USP3: variants seen among roughly 807,000 people sequenced by gnomAD.
USP3 encodes ubiquitin carboxyl-terminal hydrolase 3.
USP3 carries 20 observed loss-of-function variants against 72.3 expected under a neutral mutation model. The observed-to-expected ratio is 0.28, with a 90% CI of 0.19 to 0.40. The LOEUF (loss-of-function observed/expected upper bound fraction) is 0.40. Ranked by LOEUF, USP3 falls within the 10% of genes least tolerant of loss-of-function variation. The pLI is 1.00. For missense variants in USP3, 479 were observed against 633.9 expected, an observed-to-expected ratio of 0.76 and a Z score of 2.62; for synonymous variants, 222 against 225.3, an observed-to-expected ratio of 0.99 and a Z score of 0.13.
Position 63,544,648 on chromosome 15 carries a change from T to G in USP3, c.284+7492T>G. 2.9e-6 allele frequency: 2 copies of G among 699,298 alleles called. No individual in the cohort carries two copies. Among genetic ancestry groups the G allele is most frequent in the Non-Finnish European group, 2.6e-6 (1 of 383,416 alleles). The allele number at this position is 699,298 out of a possible 1,614,324, so 43.3% of individuals were successfully genotyped here. On this transcript the variant is annotated intron_variant, in intron 3 of 14. Transcript: ENST00000380324. This position sits in a 1 kb window ranked among gnomAD's most constrained non-coding sequence, Gnocchi z 4.2. Reference sequence around the variant, plus strand: ...TCATTTTTGGAGAATGGGGGAAGAATGTAAAGATGGAGATGACCGAATGAG... The same window carrying G: ...TCATTTTTGGAGAATGGGGGAAGAAGGTAAAGATGGAGATGACCGAATGAG...
chr15:63,556,895 T>A, intron 5 of USP3, 147 bp downstream of exon 5: 1 of 624,084 alleles, frequency 1.6e-6, no homozygotes, highest in Non-Finnish European at 2.8e-6. Flanking sequence ...GTTTGCCACC[T>A]GTACTGTCGA....
intron 1 of USP3, among the ~76,000 whole-genome samples, chr15:63,505,215 G>A (rs889906688): frequency 6.6e-6 from 1 of 152,062 alleles, no homozygotes; most frequent in African/African-American, 2.4e-5. Context: ...GGCCCCCGAG[G>A]GGCGGCCGCA....
rs1319850003 is a variant in USP3, at chr15:63,529,409, A to G, written c.92-3238A>G. Among the ~76,000 whole-genome samples the G allele has an allele frequency of 6.6e-6, 1 of 152,114 alleles. No individual in the cohort carries two copies. The highest frequency in any genetic ancestry group is 2.4e-5 in the African/African-American group (1 of 41,408). On this transcript the variant is annotated intron_variant, in intron 1 of 14. Transcript: ENST00000380324. The surrounding 1 kb of genome is among the most constrained non-coding windows in gnomAD (Gnocchi z 4.2). ...CAATTGTTTTACAAGTACCATCTCT[A>G]TCTAGTTCCGAAACATTTTCATAAC... is the stretch of plus-strand genomic sequence containing the variant.
chr15:63,537,164 A>C lies in USP3; in HGVS notation c.284+8A>C. The C allele has an allele frequency of 1.2e-6, 2 of 1,608,694 alleles. No individual in the cohort carries two copies. Among genetic ancestry groups the C allele is most frequent in the Non-Finnish European group, 1.7e-6 (2 of 1,177,866 alleles). ...TAGCTACAGTACATACTGGTAAGTTAACATTTTCTGGAAATGAGATTTCTT... is the reference window on the plus strand; with the variant it reads ...TAGCTACAGTACATACTGGTAAGTTCACATTTTCTGGAAATGAGATTTCTT... On this transcript the variant is annotated splice_region_variant and intron_variant, in intron 3 of 14. Transcript: ENST00000380324.
At chr15:63,548,339 G>GA (rs2066384281) in intron 3 of USP3, among the ~76,000 whole-genome samples, 1 of 142,810 alleles carries the variant, frequency 7.0e-6, no homozygotes, top group African/African-American at 2.9e-5. Flanking sequence ...TGTTTTTTTT[G>GA]GGGGGGGACA....
At position 63,507,904 on chromosome 15, in the gene USP3, C is replaced by A. The variant is rs576898834; in HGVS notation, c.91+3074C>A. Among the ~76,000 whole-genome samples the A allele has an allele frequency of 7.2e-5, 11 of 152,124 alleles. No individual in the cohort carries two copies. In the East Asian group the frequency reaches 1.9e-3, roughly 27 times the overall value. ...ATGCTTACAAATAATAATAGACCCA[C>A]ACCCATAACATAAATTGACAGTTTA... On this transcript the variant is annotated intron_variant, in intron 1 of 14. Coordinates refer to ENST00000380324, the MANE Select transcript of USP3 (RefSeq NM_006537.4).
At chr15:63,512,364 CTTTCTTCTTTCTTCTTTCTT>C (rs2065800249) in intron 1 of USP3, among the ~76,000 whole-genome samples, 1 of 141,154 alleles carries the variant, frequency 7.1e-6, no homozygotes, top group Admixed American at 7.0e-5. Context: ...TCTTCTTCTT[CTTTCTTCTTTCTTCTTTCTT>C]TTTCTTCTTT....
At chr15:63,509,152 A>G (rs925406169) in intron 1 of USP3, among the ~76,000 whole-genome samples, 1 of 152,176 alleles carries the variant, frequency 6.6e-6, no homozygotes, top group Non-Finnish European at 1.5e-5. Context: ...CACAACCTAC[A>G]TTTAACACTC....
intron 1 of USP3, among the ~76,000 whole-genome samples, chr15:63,516,698 C>G (rs1255353242): frequency 6.6e-6 from 1 of 151,910 alleles, no homozygotes; most frequent in African/African-American, 2.4e-5. Context: ...CCACATATGT[C>G]CTTTTATTCT....
chr15:63,564,648 C>A (rs1040526477), intron 8 of USP3, among the ~76,000 whole-genome samples: 1 of 152,206 alleles, frequency 6.6e-6, no homozygotes, highest in African/African-American at 2.4e-5. Flanking sequence ...TTGGAATATT[C>A]CTACTGATGA....
At chr15:63,534,072 G>C (rs183815159) in intron 2 of USP3, among the ~76,000 whole-genome samples, 1 of 152,202 alleles carries the variant, frequency 6.6e-6, no homozygotes, top group African/African-American at 2.4e-5. Context: ...AACTAAAATA[G>C]GTTTTGGAAA....
At chr15:63,518,733 T>C (rs140071069) in intron 1 of USP3, among the ~76,000 whole-genome samples, 1 of 152,114 alleles carries the variant, frequency 6.6e-6, no homozygotes, top group Non-Finnish European at 1.5e-5. Context: ...GATATAACAC[T>C]CCTTTATCCA....
Position 63,537,143 on chromosome 15 carries a change from T to C in USP3, c.271T>C (p.Tyr91His). ...QHTVCMDCSS[Y>H]STYCYRCDDF... is the part of the protein sequence containing the mutation. Reference sequence around the variant, plus strand: ...CACAGTATGTATGGATTGCAGTAGCTACAGTACATACTGGTAAGTTAACAT... The same window carrying C: ...CACAGTATGTATGGATTGCAGTAGCCACAGTACATACTGGTAAGTTAACAT... Residue 91 changes from tyrosine (Y) to histidine (H), a missense_variant, in exon 3 of 15, where the codon TAC becomes CAC. Physicochemically the swap from Tyr to His is moderately conservative, Grantham distance 83. Coordinates refer to ENST00000380324, the MANE Select transcript of USP3 (RefSeq NM_006537.4). The C allele has an allele frequency of 1.2e-6, 2 of 1,613,210 alleles. No homozygotes were observed. The highest frequency in any genetic ancestry group is 1.7e-6 in the Non-Finnish European group (2 of 1,179,700).
chr15:63,504,777 C>T lies in USP3; in HGVS notation c.38C>T (p.Ala13Val). 6.2e-7 allele frequency: 1 copy of T among 1,611,676 alleles called. No homozygotes were observed. Among genetic ancestry groups the T allele is most frequent in the Non-Finnish European group, 8.5e-7 (1 of 1,179,088 alleles). The change falls in exon 1 of 15, where the codon GCT becomes GTT. Residue 13 changes from alanine to valine, a missense_variant. Transcript: ENST00000380324. The part of the protein sequence containing the change: ...CPHLSSSVCI[A>V]PDSAKFPNGS... ...CACCTGAGCTCCAGCGTCTGCATTG[C>T]TCCGGACTCAGCCAAGTTCCCCAAC... is the stretch of plus-strand genomic sequence containing the variant.
chr15:63,566,524 A>G (rs2152676062), intron 8 of USP3, among the ~76,000 whole-genome samples: 1 of 152,220 alleles, frequency 6.6e-6, no homozygotes, highest in Non-Finnish European at 1.5e-5. Flanking sequence ...TATGTTGGCT[A>G]GGCTGGTCTC....
Position 63,578,613 on chromosome 15 carries a change from GAAAA to G in USP3, c.1096+4222_1096+4225del, listed in dbSNP as rs527520835. Among the ~76,000 whole-genome samples the G allele has an allele frequency of 4.2e-3, 361 of 85,568 alleles. 1 individual carries two copies. Among genetic ancestry groups the G allele is most frequent in the Admixed American group, 0.011 (78 of 7,022 alleles). 56.1% of individuals were successfully genotyped at this position (85,568 alleles called of 152,430 possible). A position where few individuals can be genotyped will look rare whatever the true frequency, so the allele number is the denominator to read the frequency against. The stretch of plus-strand genomic sequence containing the variant: ...GGCGACAGAGCAAGACTCCGTCTCA[GAAAA>G]AAAAAAAAAAAGAAGAAAAAAAAAA... On this transcript the variant is annotated intron_variant, in intron 11 of 14. Coordinates refer to ENST00000380324, the MANE Select transcript of USP3 (RefSeq NM_006537.4).
chr15:63,573,945 G>A (rs891388362), intron 9 of USP3, 101 bp from the exon 10 acceptor site: 1 of 644,770 alleles, frequency 1.6e-6, no homozygotes, highest in African/African-American at 1.9e-5. Context: ...TTCCCTCAAA[G>A]GCAGTCATCT....
At chr15:63,517,231 C>T (rs1683822314) in intron 1 of USP3, among the ~76,000 whole-genome samples, 1 of 151,224 alleles carries the variant, frequency 6.6e-6, no homozygotes, top group African/African-American at 2.4e-5. Context: ...TTTTTTCTTC[C>T]ATTCCTTCTG....
At chr15:63,520,222 C>A (rs1350464331) in intron 1 of USP3, among the ~76,000 whole-genome samples, 1 of 152,198 alleles carries the variant, frequency 6.6e-6, no homozygotes, top group Non-Finnish European at 1.5e-5. Context: ...CCTACAATTT[C>A]ATTCAACACC....
Sources: gnomAD v4.1 joint callset for allele counts (sites outside exome capture counted in the v4.1 genomes callset) on GRCh38, gnomAD v4.1.1 for gene constraint, Gnocchi (gnomAD v3.1) non-coding constraint, MANE v1.5 for transcripts, NCBI Gene and HGNC (gene_info 2026-07-23, HGNC 2026-07-21) for gene names.